The following AMBRA1 variants were observed in gnomAD, a reference collection of about 807,000 sequenced individuals.
The protein encoded by AMBRA1 is autophagy and beclin 1 regulator 1, also known as activating molecule in BECN1-regulated autophagy protein 1.
AMBRA1 carries 47 observed loss-of-function variants against 125.4 expected under a neutral mutation model. That is an observed-to-expected ratio of 0.37 (90% CI 0.30 to 0.48). The LOEUF (loss-of-function observed/expected upper bound fraction) is 0.48. Ranked by LOEUF, AMBRA1 falls within the 20% of genes least tolerant of loss-of-function variation. AMBRA1 has a pLI of 0.99. For missense variants in AMBRA1, 1,331 were observed against 1,693.4 expected (o/e 0.79, Z 3.76); for synonymous variants, 626 against 655.5 (o/e 0.95, Z 0.69).
intron 7 of AMBRA1, among the ~76,000 whole-genome samples, chr11:46,513,286 A>G (rs1291660952): frequency 6.9e-6 from 1 of 143,982 alleles, no homozygotes; most frequent in Admixed American, 6.9e-5. Flanking sequence ...TTTTTTTGTG[A>G]GAATTGAGTA....
chr11:46,483,411 G>A (rs1950149750), intron 11 of AMBRA1, among the ~76,000 whole-genome samples: 1 of 152,198 alleles, frequency 6.6e-6, no homozygotes, highest in African/African-American at 2.4e-5. Context: ...CAGGGGAAGA[G>A]CTGGCCTTTG....
At chr11:46,399,123 G>A (rs893426706) in intron 17 of AMBRA1, among the ~76,000 whole-genome samples, 20 of 152,010 alleles carry the variant, frequency 1.3e-4, no homozygotes, top group African/African-American at 4.6e-4. Context: ...CGCCCAGGCT[G>A]GAGTGCAATG....
intron 14 of AMBRA1, chr11:46,428,848 A>G (rs1390125850): frequency 8.7e-6 from 14 of 1,611,594 alleles, no homozygotes; most frequent in Admixed American, 3.3e-5. Context: ...GAGGCCTGCC[A>G]GTCTCTGGAC....
At chr11:46,415,231 T>C (rs564423002) in intron 15 of AMBRA1, among the ~76,000 whole-genome samples, 1 of 152,318 alleles carries the variant, frequency 6.6e-6, no homozygotes, top group East Asian at 1.9e-4. Context: ...ACCACTCATC[T>C]GTAGACCGCT....
intron 1 of AMBRA1, among the ~76,000 whole-genome samples, chr11:46,571,212 G>C (rs2043745119): frequency 6.6e-6 from 1 of 152,152 alleles, no homozygotes. Context: ...AAATCACTCA[G>C]TAAGTATGAC....
At chr11:46,492,684 CACA>C (rs1590944719) in intron 11 of AMBRA1, among the ~76,000 whole-genome samples, 1 of 152,314 alleles carries the variant, frequency 6.6e-6, no homozygotes, top group African/African-American at 2.4e-5. Flanking sequence ...CAATAGCACA[CACA>C]ACGTCTCAGA....
At position 46,542,740 on chromosome 11, in the gene AMBRA1, A is replaced by G; in HGVS notation, c.1277T>C (p.Leu426Pro). ...GGATTCCGCCTCAGAGCGGGAGTTCAGACTGAGTACTGTCCGGGTCCACTC... is the reference window on the plus strand; with the variant it reads ...GGATTCCGCCTCAGAGCGGGAGTTCGGACTGAGTACTGTCCGGGTCCACTC... ...GSEWTRTVLS[L>P]NSRSEAESMP... is the part of the protein sequence containing the mutation. Residue 426 changes from leucine (L) to proline (P), a missense_variant, in exon 7 of 18, where the codon CTG (leucine) becomes CCG (proline). Physicochemically the swap from Leu to Pro is moderately conservative, Grantham distance 98 (BLOSUM62 -3). Transcript: ENST00000683756. This position sits in a 1 kb window ranked among gnomAD's most constrained non-coding sequence, Gnocchi z 5.9. 6.2e-7 allele frequency: 1 copy of G among 1,613,996 alleles called. No individual in the cohort carries two copies. Among genetic ancestry groups the G allele is most frequent in the Admixed American group, 1.7e-5 (1 of 60,000 alleles).
At chr11:46,558,125 G>GTT (rs1360280394) in intron 1 of AMBRA1, among the ~76,000 whole-genome samples, 2 of 152,172 alleles carry the variant, frequency 1.3e-5, no homozygotes, top group African/African-American at 4.8e-5. Context: ...GTTACACAGG[G>GTT]GAGAAGGACC....
At chr11:46,523,393 T>G (rs1951838096) in intron 7 of AMBRA1, among the ~76,000 whole-genome samples, 1 of 152,154 alleles carries the variant, frequency 6.6e-6, no homozygotes, top group African/African-American at 2.4e-5. Flanking sequence ...AAACGACACC[T>G]AAAGTACAAT....
At position 46,398,450 on chromosome 11, in the gene AMBRA1, C is replaced by T. The variant is rs570946664; in HGVS notation, c.3404-507G>A. Reference sequence around the variant, plus strand: ...CTTCCTTCAGCGTAGTTTTGTGTTACCTCCTCAAAGCCCCTGAGGAAGCTG... The same window carrying T: ...CTTCCTTCAGCGTAGTTTTGTGTTATCTCCTCAAAGCCCCTGAGGAAGCTG... On this transcript the variant is annotated intron_variant, in intron 17 of 17. Transcript: ENST00000683756. Among the ~76,000 whole-genome samples the T allele has an allele frequency of 1.8e-4, 27 of 152,288 alleles. No homozygotes were observed. In the South Asian group the frequency reaches 2.1e-3, roughly 12 times the overall value.
At chr11:46,481,010 G>T (rs1435085986) in intron 11 of AMBRA1, among the ~76,000 whole-genome samples, 2 of 152,212 alleles carry the variant, frequency 1.3e-5, no homozygotes, top group African/African-American at 4.8e-5. Context: ...TTCAGTAGAA[G>T]GAAAATGCCA....
chr11:46,432,877 C>T (rs1344064275), intron 14 of AMBRA1, among the ~76,000 whole-genome samples: 1 of 152,194 alleles, frequency 6.6e-6, no homozygotes, highest in Non-Finnish European at 1.5e-5. Context: ...CACTCAGGCA[C>T]GTTAGTCTGG....
chr11:46,586,370 C>A (rs2044400027), intron 1 of AMBRA1, among the ~76,000 whole-genome samples: 1 of 152,124 alleles, frequency 6.6e-6, no homozygotes, highest in Non-Finnish European at 1.5e-5. Flanking sequence ...GATTGTGCCA[C>A]CGCACCAGAG....
chr11:46,432,593 A>G (rs1193270091), intron 14 of AMBRA1, among the ~76,000 whole-genome samples: 2 of 152,188 alleles, frequency 1.3e-5, no homozygotes, highest in African/African-American at 4.8e-5. Context: ...GCACAGCACT[A>G]AATGAGGGAC....
intron 1 of AMBRA1, among the ~76,000 whole-genome samples, chr11:46,551,021 C>T (rs933738673): frequency 2.0e-5 from 3 of 148,632 alleles, no homozygotes; most frequent in African/African-American, 7.5e-5. Context: ...GGCATGAACC[C>T]GAGAGGCAGA....
chr11:46,574,685 G>T (rs2043890718), intron 1 of AMBRA1, among the ~76,000 whole-genome samples: 1 of 152,138 alleles, frequency 6.6e-6, no homozygotes, highest in Non-Finnish European at 1.5e-5. Flanking sequence ...CTTAAGCAAG[G>T]TTGAGAGAAC....
At chr11:46,590,078 T>C (rs900089302) in intron 1 of AMBRA1, among the ~76,000 whole-genome samples, 1 of 151,822 alleles carries the variant, frequency 6.6e-6, no homozygotes, top group Non-Finnish European at 1.5e-5. Context: ...AATTATACAG[T>C]ATAAAAATGT....
chr11:46,574,732 C>CG (rs1275714667), intron 1 of AMBRA1, among the ~76,000 whole-genome samples: 5 of 152,198 alleles, frequency 3.3e-5, no homozygotes, highest in Non-Finnish European at 7.3e-5. Context: ...AACTCTTGGG[C>CG]ACCTCCAAAG....
At chr11:46,566,394 G>A (rs539540207) in intron 1 of AMBRA1, among the ~76,000 whole-genome samples, 58 of 151,976 alleles carry the variant, frequency 3.8e-4, no homozygotes, top group African/African-American at 1.3e-3. Flanking sequence ...CTCCAGCCTG[G>A]GTGACACAGC....
Sources: allele counts gnomAD v4.1 joint callset (sites outside exome capture counted in the v4.1 genomes callset), GRCh38; gene constraint gnomAD v4.1.1; non-coding constraint Gnocchi (gnomAD v3.1); transcripts MANE v1.5; gene names NCBI Gene and HGNC (gene_info 2026-07-23, HGNC 2026-07-21).